Variants in MAGI2 observed in about 807,000 individuals in gnomAD.
MAGI2 encodes membrane-associated guanylate kinase, WW and PDZ domain-containing protein 2.
In MAGI2, 35 loss-of-function variants were observed where a neutral mutation model predicts 133.3. The ratio of observed to expected loss-of-function variants is 0.26; its 90% CI spans 0.20 to 0.35. The LOEUF (loss-of-function observed/expected upper bound fraction) is 0.35. Among genes scored for constraint, MAGI2 ranks in the 10% least tolerant of loss-of-function variants. The pLI, the probability that MAGI2 is intolerant of heterozygous loss-of-function variation, is 1.00. For synonymous variants in MAGI2, 729 were observed against 710.6 expected (o/e 1.03, Z -0.41); for missense variants, 1,636 against 1,863.4 (o/e 0.88, Z 2.25).
chr7:78,661,735 C>T (rs1186440934), intron 2 of MAGI2, among the ~76,000 whole-genome samples: 1 of 152,182 alleles, frequency 6.6e-6, no homozygotes. Context: ...TCATTTGTAG[C>T]CTTCTGCTTA....
At chr7:79,174,062 G>A (rs1011678087) in intron 1 of MAGI2, among the ~76,000 whole-genome samples, 1 of 151,772 alleles carries the variant, frequency 6.6e-6, no homozygotes, top group Non-Finnish European at 1.5e-5. Flanking sequence ...TAATACTGAG[G>A]ATAAAAATTA....
chr7:78,405,642 T>C lies in MAGI2; in HGVS notation c.1046-36429A>G, dbSNP rs1040594676. ...GAGTTTAACCTTAAACATAAAACCT[T>C]TTTAGCTTTTTTAAACCAAAAATAT... is the stretch of plus-strand genomic sequence containing the variant. On this transcript the variant is annotated intron_variant, in intron 6 of 21. Coordinates refer to ENST00000354212, the MANE Select transcript of MAGI2 (RefSeq NM_012301.4). 4.6e-5 allele frequency among the ~76,000 whole-genome samples: 7 copies of C among 152,056 alleles called. 1 individual carries two copies. The highest frequency in any genetic ancestry group is 1.5e-5 in the Non-Finnish European group (1 of 67,940).
intron 10 of MAGI2, among the ~76,000 whole-genome samples, chr7:78,223,716 C>A (rs1789068316): frequency 6.6e-6 from 1 of 151,906 alleles, no homozygotes; most frequent in South Asian, 2.1e-4. Flanking sequence ...GATTTATGGC[C>A]AATATTTTAT....
intron 1 of MAGI2, among the ~76,000 whole-genome samples, chr7:79,283,694 G>A (rs1179206879): frequency 6.6e-6 from 1 of 152,070 alleles, no homozygotes; most frequent in African/African-American, 2.4e-5. Context: ...ATAAAGAAAG[G>A]TTTTGACTTC....
At chr7:78,092,690 G>A (rs944868860) in intron 20 of MAGI2, among the ~76,000 whole-genome samples, 4 of 152,092 alleles carry the variant, frequency 2.6e-5, no homozygotes, top group African/African-American at 4.8e-5. Context: ...GCTTTGCAAT[G>A]TACTTTTTGA....
At chr7:78,246,280 G>A (rs1037110234) in intron 10 of MAGI2, among the ~76,000 whole-genome samples, 2 of 152,068 alleles carry the variant, frequency 1.3e-5, no homozygotes, top group Non-Finnish European at 2.9e-5. Context: ...ACCAGTGCCT[G>A]AGTTGAAGAT....
chr7:78,600,997 T>C (rs1563225875), intron 3 of MAGI2, among the ~76,000 whole-genome samples: 1 of 152,182 alleles, frequency 6.6e-6, no homozygotes, highest in African/African-American at 2.4e-5. Flanking sequence ...TACTTAACTT[T>C]TAAAAATATG....
At chr7:79,385,020 G>A (rs976276704) in intron 1 of MAGI2, among the ~76,000 whole-genome samples, 8 of 151,656 alleles carry the variant, frequency 5.3e-5, no homozygotes, top group Non-Finnish European at 1.0e-4. Flanking sequence ...TCCATGGAAG[G>A]TTAAAGAAAA....
intron 9 of MAGI2, among the ~76,000 whole-genome samples, chr7:78,307,410 A>T (rs890559445): frequency 2.0e-5 from 3 of 152,294 alleles, no homozygotes; most frequent in South Asian, 2.1e-4. Flanking sequence ...TTTGCCAGGT[A>T]GTGATAGTGT....
intron 2 of MAGI2, among the ~76,000 whole-genome samples, chr7:78,764,102 G>T (rs1824777311): frequency 6.6e-6 from 1 of 152,128 alleles, no homozygotes. Flanking sequence ...CTCATGCTCT[G>T]GTGTGAACTT....
rs1205491631 is a variant in MAGI2 at position 79,370,856 on chromosome 7, T to G, written c.301+82164A>C. 3.3e-5 allele frequency among the ~76,000 whole-genome samples: 5 copies of G among 152,158 alleles called. No homozygotes were observed. The East Asian group carries it at 9.6e-4, about 29-fold the overall frequency. Reference sequence around the variant, plus strand: ...ACACGGCACTCCCCTAAAATATTCCTCTTTCACTTCTGAAGAATGGTTATA... The same window carrying G: ...ACACGGCACTCCCCTAAAATATTCCGCTTTCACTTCTGAAGAATGGTTATA... On this transcript the variant is annotated intron_variant, in intron 1 of 21. Transcript: ENST00000354212.
intron 1 of MAGI2, among the ~76,000 whole-genome samples, chr7:79,073,640 G>A (rs1292081843): frequency 6.6e-6 from 1 of 151,742 alleles, no homozygotes; most frequent in African/African-American, 2.4e-5. Flanking sequence ...GCACAATACT[G>A]CAGGGAGTCT....
intron 9 of MAGI2, among the ~76,000 whole-genome samples, chr7:78,295,774 C>A (rs1797169011): frequency 6.6e-6 from 1 of 152,132 alleles, no homozygotes; most frequent in Non-Finnish European, 1.5e-5. Flanking sequence ...ACAGTGTCTC[C>A]TGTAAACTTC....
intron 10 of MAGI2, among the ~76,000 whole-genome samples, chr7:78,242,533 GC>G (rs1275424277): frequency 2.6e-5 from 4 of 152,174 alleles, no homozygotes; most frequent in African/African-American, 9.7e-5. Flanking sequence ...TGTCATATAT[GC>G]TTTTTTGCTG....
At position 78,073,866 on chromosome 7, in the gene MAGI2, T is replaced by G. The variant is rs538514537; in HGVS notation, c.3706+5081A>C. On this transcript the variant is annotated intron_variant, in intron 21 of 21. Coordinates refer to ENST00000354212, the MANE Select transcript of MAGI2 (RefSeq NM_012301.4). ...CAATAACCAGGGTGAAGGAGGGCAC[T>G]GCTTTTGATGCATCTTCTGATTCTC... 2.0e-5 allele frequency among the ~76,000 whole-genome samples: 3 copies of G among 152,358 alleles called. No individual in the cohort carries two copies. In the East Asian group the frequency reaches 5.8e-4, roughly 29 times the overall value.
intron 3 of MAGI2, 120 bp from the exon 4 acceptor site, chr7:78,521,765 CACAT>C: frequency 1.4e-6 from 1 of 701,442 alleles, no homozygotes; most frequent in African/African-American, 1.8e-5. Flanking sequence ...CATACATAGA[CACAT>C]ACATATATAT....
In MAGI2 at chr7:78,135,314, G is replaced by A. The variant is rs1051642256; in HGVS notation, c.2846-108C>T. On this transcript the variant is annotated intron_variant, in intron 16 of 21. Coordinates refer to ENST00000354212, the MANE Select transcript of MAGI2 (RefSeq NM_012301.4). ...AATGTCAGAATTCCTTCCTTCGTCA[G>A]TGTATTTGCCTTTTGAAATCACACT... The A allele has an allele frequency of 8.6e-6, 8 of 929,680 alleles. No individual in the cohort carries two copies. The African/African-American group carries it at 1.1e-4, about 13-fold the overall frequency. 57.6% of individuals were successfully genotyped at this position (929,680 alleles called of 1,614,324 possible).
intron 6 of MAGI2, among the ~76,000 whole-genome samples, chr7:78,443,361 T>C (rs2151463719): frequency 6.6e-6 from 1 of 152,210 alleles, no homozygotes; most frequent in South Asian, 2.1e-4. Context: ...CAAGCAGTGT[T>C]TGAAATTCGA....
intron 16 of MAGI2, among the ~76,000 whole-genome samples, chr7:78,147,419 C>T (rs1641143665): frequency 6.6e-6 from 1 of 152,126 alleles, no homozygotes; most frequent in South Asian, 2.1e-4. Flanking sequence ...CTTATATGTA[C>T]TTTCTCTCAT....
Sources: allele counts gnomAD v4.1 joint callset (sites outside exome capture counted in the v4.1 genomes callset), GRCh38; gene constraint gnomAD v4.1.1; transcripts MANE v1.5; gene names NCBI Gene and HGNC (gene_info 2026-07-23, HGNC 2026-07-21).